Variants in XXYLT1 observed in about 807,000 individuals in gnomAD.
XXYLT1 encodes xyloside xylosyltransferase 1.
Under a neutral mutation model 28.9 loss-of-function variants are expected in XXYLT1, and 20 were observed. That is an observed-to-expected ratio of 0.69 (90% CI 0.49 to 1.00). The LOEUF is 1.00. Ranked by LOEUF, XXYLT1 falls within the 50% of genes least tolerant of loss-of-function variation. The probability of loss-of-function intolerance (pLI) is 0.00; values close to 1 mark genes in which losing one functional copy is unlikely to be tolerated. For missense variants in XXYLT1, 542 were observed against 560.1 expected (o/e 0.97, Z 0.33); for synonymous variants, 257 against 253.8 (o/e 1.01, Z -0.12).
intron 1 of XXYLT1, among the ~76,000 whole-genome samples, chr3:195,231,547 G>T (rs1724299299): frequency 6.6e-6 from 1 of 152,006 alleles, no homozygotes; most frequent in Non-Finnish European, 1.5e-5. Context: ...TTATATTGAG[G>T]TATGTTCCCT....
chr3:195,150,889 C>T lies in XXYLT1; in HGVS notation c.785+5560G>A, dbSNP rs1431647290. On this transcript the variant is annotated intron_variant, in intron 3 of 3. Coordinates refer to ENST00000310380, the MANE Select transcript of XXYLT1 (RefSeq NM_152531.5). The surrounding 1 kb of genome is among the most constrained non-coding windows in gnomAD (Gnocchi z 4.7). ...ACACACTCTCTCCCTCTCCCTCTCC[C>T]TCTCTCTCTCTCCATCACTCCAGGG... is the stretch of plus-strand genomic sequence containing the variant. Among the ~76,000 whole-genome samples the T allele has an allele frequency of 1.5e-5, 2 of 134,026 alleles. No homozygotes were observed. The highest frequency in any genetic ancestry group is 6.2e-5 in the African/African-American group (2 of 32,380). The allele number at this position is 134,026 out of a possible 152,430, so 87.9% of individuals were successfully genotyped here. A position where few individuals can be genotyped will look rare whatever the true frequency, so the allele number is the denominator to read the frequency against.
chr3:195,115,753 C>T lies in XXYLT1; in HGVS notation c.785+40696G>A, dbSNP rs1421920347. ...CACGTCCGAGGTGGAGGAAGGAGGGCGGCAGGTGCAGGCCAGGACCGGACC... is the reference window on the plus strand; with the variant it reads ...CACGTCCGAGGTGGAGGAAGGAGGGTGGCAGGTGCAGGCCAGGACCGGACC... On this transcript the variant is annotated intron_variant, in intron 3 of 3. Coordinates refer to ENST00000310380, the MANE Select transcript of XXYLT1 (RefSeq NM_152531.5). The surrounding 1 kb of genome is among the most constrained non-coding windows in gnomAD (Gnocchi z 4.2). Among the ~76,000 whole-genome samples, 4 of 147,716 alleles carry T rather than the reference C, an allele frequency of 2.7e-5. No homozygotes were observed. The highest frequency in any genetic ancestry group is 1.0e-4 in the African/African-American group (4 of 39,956).
Position 195,103,181 on chromosome 3 carries a change from G to A in XXYLT1, c.786-33070C>T, listed in dbSNP as rs569439525. ...AAAAGGGAGCCTAGGAACGCTGGAC[G>A]GAAATGCTGATTTGCTCCAGATAAC... is the stretch of plus-strand genomic sequence containing the variant. On this transcript the variant is annotated intron_variant, in intron 3 of 3. Coordinates refer to ENST00000310380, the MANE Select transcript of XXYLT1 (RefSeq NM_152531.5). Among the ~76,000 whole-genome samples, 16 of 152,356 alleles carry A rather than the reference G, an allele frequency of 1.1e-4. No homozygotes were observed. The East Asian group carries it at 1.7e-3, about 17-fold the overall frequency.
At chr3:195,261,997 A>G (rs1204241545) in intron 1 of XXYLT1, among the ~76,000 whole-genome samples, 2 of 152,258 alleles carry the variant, frequency 1.3e-5, no homozygotes, top group African/African-American at 4.8e-5. Flanking sequence ...CTGCTAGGTT[A>G]TACCCCAGTG....
chr3:195,184,541 C>A (rs918152399), intron 2 of XXYLT1: 1 of 880,140 alleles, frequency 1.1e-6, no homozygotes, highest in Admixed American at 6.2e-5. Flanking sequence ...TAATAAATGG[C>A]CTCCTAATTC....
rs530371538 is a variant in XXYLT1, at chr3:195,258,178, G to A, written c.504+12377C>T. On this transcript the variant is annotated intron_variant, in intron 1 of 3. Coordinates refer to ENST00000310380, the MANE Select transcript of XXYLT1 (RefSeq NM_152531.5). ...CTGCTGTGATGCTCTGGCAAAAGCA[G>A]GGCCACCTCACAGCCTTCAGTGAGG... Among the ~76,000 whole-genome samples, 4 of 152,304 alleles carry A rather than the reference G, an allele frequency of 2.6e-5. No individual in the cohort carries two copies. The East Asian group carries it at 7.8e-4, about 30-fold the overall frequency.
chr3:195,175,554 A>C, intron 2 of XXYLT1: 1 of 1,532,084 alleles, frequency 6.5e-7, no homozygotes, highest in Non-Finnish European at 8.7e-7. Context: ...TCCTAGGGGT[A>C]GTTAGGACAC....
At chr3:195,244,761 C>CAAAAA (rs869207427) in intron 1 of XXYLT1, among the ~76,000 whole-genome samples, 2 of 26,532 alleles carry the variant, frequency 7.5e-5, no homozygotes, top group African/African-American at 2.7e-4. Context: ...GACTCTGTCT[C>CAAAAA]AAAAAAAAAA....
At chr3:195,171,732 T>C (rs1040137712) in intron 2 of XXYLT1, among the ~76,000 whole-genome samples, 5 of 152,174 alleles carry the variant, frequency 3.3e-5, no homozygotes, top group African/African-American at 9.7e-5. Context: ...AGGTCTGTAT[T>C]CATGGTCTGG....
At chr3:195,112,053 G>A (rs1560102278) in intron 3 of XXYLT1, among the ~76,000 whole-genome samples, 1 of 152,172 alleles carries the variant, frequency 6.6e-6, no homozygotes, top group Non-Finnish European at 1.5e-5. Flanking sequence ...AATGAGACGG[G>A]TGCTAATATC....
At chr3:195,177,475 A>G (rs1429695206) in intron 2 of XXYLT1, among the ~76,000 whole-genome samples, 2 of 152,238 alleles carry the variant, frequency 1.3e-5, no homozygotes, top group Non-Finnish European at 2.9e-5. Context: ...AATGGCAAAC[A>G]GAAAGGGCAG....
At chr3:195,203,837 C>A (rs1722953603) in intron 2 of XXYLT1, among the ~76,000 whole-genome samples, 1 of 152,244 alleles carries the variant, frequency 6.6e-6, no homozygotes, top group Admixed American at 6.5e-5. Flanking sequence ...CTTGGGGACA[C>A]ATTAGTCAAG....
At chr3:195,089,371 T>A (rs1716002769) in intron 3 of XXYLT1, among the ~76,000 whole-genome samples, 2 of 152,024 alleles carry the variant, frequency 1.3e-5, no homozygotes, top group Admixed American at 1.3e-4. Context: ...GGGCCAATAT[T>A]CAACATTCTT....
intron 1 of XXYLT1, among the ~76,000 whole-genome samples, chr3:195,267,472 A>G (rs996670990): frequency 6.6e-6 from 1 of 152,234 alleles, no homozygotes; most frequent in East Asian, 1.9e-4. Context: ...GTCATGCTAT[A>G]TACTCCAAAT....
intron 2 of XXYLT1, among the ~76,000 whole-genome samples, chr3:195,204,468 A>ACT (rs1316535464): frequency 1.7e-5 from 2 of 114,752 alleles, no homozygotes; most frequent in African/African-American, 7.6e-5. Flanking sequence ...ACACACACTC[A>ACT]CTCTCTCACT....
chr3:195,252,719 C>CAGAGAGAGAGAGAGAGAG (rs1484813323), intron 1 of XXYLT1, among the ~76,000 whole-genome samples: 3 of 138,320 alleles, frequency 2.2e-5, no homozygotes, highest in African/African-American at 9.5e-5. Flanking sequence ...CACACACACA[C>CAGAGAGAGAGAGAGAGAG]ACACACACAG....
intron 1 of XXYLT1, among the ~76,000 whole-genome samples, chr3:195,244,378 T>G (rs2108829207): frequency 6.6e-6 from 1 of 152,288 alleles, no homozygotes; most frequent in Non-Finnish European, 1.5e-5. Flanking sequence ...TGGCTCTTGC[T>G]GGGGAGACTT....
intron 3 of XXYLT1, among the ~76,000 whole-genome samples, chr3:195,145,447 T>A (rs996727211): frequency 6.8e-6 from 1 of 146,012 alleles, no homozygotes; most frequent in Non-Finnish European, 1.5e-5. Flanking sequence ...CTGGCACTGA[T>A]GGGGCCCTGC....
At chr3:195,092,500 C>T (rs2108662485) in intron 3 of XXYLT1, among the ~76,000 whole-genome samples, 1 of 137,188 alleles carries the variant, frequency 7.3e-6, no homozygotes, top group Non-Finnish European at 1.6e-5. Context: ...AACTGGATCC[C>T]TTCCTTACAC....
Sources: gnomAD v4.1 joint callset for allele counts (sites outside exome capture counted in the v4.1 genomes callset) on GRCh38, gnomAD v4.1.1 for gene constraint, Gnocchi (gnomAD v3.1) non-coding constraint, MANE v1.5 for transcripts, NCBI Gene and HGNC (gene_info 2026-07-23, HGNC 2026-07-21) for gene names.